Variants in ZIC2 observed in about 807,000 individuals in gnomAD.
The protein encoded by ZIC2 is zinc finger protein ZIC 2.
In ZIC2, 7 loss-of-function variants were observed where a neutral mutation model predicts 29.5. That is an observed-to-expected ratio of 0.24 (90% CI 0.14 to 0.45). The LOEUF is 0.45. ZIC2 is among the 20% of genes least tolerant of loss of function. The probability of loss-of-function intolerance (pLI) is 1.00; values close to 1 mark genes in which losing one functional copy is unlikely to be tolerated. For missense variants in ZIC2, 589 were observed against 781.2 expected (o/e 0.75, Z 2.93); for synonymous variants, 408 against 354.2 (o/e 1.15, Z -1.70).
Position 99,986,193 on chromosome 13 carries a change from G to C in ZIC2, c.*511G>C, listed in dbSNP as rs192372594. ...TCTCTTTTCTCTTTTTAGTTTACCC[G>C]GTTTCTTTTTAAGTAATGTGGAAGA... On this transcript the variant is annotated 3_prime_UTR_variant, in exon 3 of 3. Transcript: ENST00000376335. 201 of 307,012 alleles carry C rather than the reference G, an allele frequency of 6.5e-4. No homozygotes were observed. Among genetic ancestry groups the C allele is most frequent in the Non-Finnish European group, 1.0e-3 (159 of 156,224 alleles). 19.0% of individuals were successfully genotyped at this position (307,012 alleles called of 1,614,324 possible).
In ZIC2 at chr13:99,984,780, C is replaced by T. The variant is rs916450156; in HGVS notation, c.1076-166C>T. ...TGAGCAGGACTGTCGGGCGGGAAGG[C>T]GGTTAATTTGATCTTAGTTCTGCCG... On this transcript the variant is annotated intron_variant, in intron 1 of 2. Coordinates refer to ENST00000376335, the MANE Select transcript of ZIC2 (RefSeq NM_007129.5). 4.1e-6 allele frequency: 3 copies of T among 724,826 alleles called. No individual in the cohort carries two copies. In the African/African-American group the frequency reaches 5.3e-5, roughly 13 times the overall value. 44.9% of individuals were successfully genotyped at this position (724,826 alleles called of 1,614,324 possible). A position where few individuals can be genotyped will look rare whatever the true frequency, so the allele number is the denominator to read the frequency against.
chr13:99,983,257 T>C lies in ZIC2; in HGVS notation c.1075+118T>C. The C allele has an allele frequency of 3.7e-6, 5 of 1,337,962 alleles. No individual in the cohort carries two copies. Among genetic ancestry groups the C allele is most frequent in the Non-Finnish European group, 5.1e-6 (5 of 990,016 alleles). 82.9% of individuals were successfully genotyped at this position (1,337,962 alleles called of 1,614,324 possible). A position where few individuals can be genotyped will look rare whatever the true frequency, so the allele number is the denominator to read the frequency against. ...CCAGCCGGGGACCTGGGATGGGAGG[T>C]GTTTTTGCGTGTACGAAAGAGCCAG... On this transcript the variant is annotated intron_variant, in intron 1 of 2. Transcript: ENST00000376335. The surrounding 1 kb of genome is among the most constrained non-coding windows in gnomAD (Gnocchi z 4.7).
rs546620526 is a variant in ZIC2 at position 99,985,261 on chromosome 13, C to T, written c.1240-62C>T. The T allele has an allele frequency of 8.1e-6, 13 of 1,602,190 alleles. No individual in the cohort carries two copies. Among genetic ancestry groups the T allele is most frequent in the South Asian group, 7.7e-5 (7 of 91,014 alleles). ...GGTGCTCTCCCCCAGGGGCCCGGCC[C>T]CACAGCAGCTGCACTCACACCCAGT... On this transcript the variant is annotated intron_variant, in intron 2 of 2. Coordinates refer to ENST00000376335, the MANE Select transcript of ZIC2 (RefSeq NM_007129.5). The surrounding 1 kb of genome is among the most constrained non-coding windows in gnomAD (Gnocchi z 6.3).
At position 99,985,159 on chromosome 13, in the gene ZIC2, G is replaced by A. The variant is rs1023524104; in HGVS notation, c.1239+50G>A. The A allele has an allele frequency of 5.6e-6, 9 of 1,612,632 alleles. No individual in the cohort carries two copies. The highest frequency in any genetic ancestry group is 7.6e-6 in the Non-Finnish European group (9 of 1,179,328). On this transcript the variant is annotated intron_variant, in intron 2 of 2. Coordinates refer to ENST00000376335, the MANE Select transcript of ZIC2 (RefSeq NM_007129.5). This position sits in a 1 kb window ranked among gnomAD's most constrained non-coding sequence, Gnocchi z 6.3. The stretch of plus-strand genomic sequence containing the variant: ...GGGCGAGGCAGGCCGAGGCGCCGGT[G>A]CAGCACTGGCCCGGACCACCTCAGC...
Position 99,985,573 on chromosome 13 carries a change from G to T in ZIC2, c.1490G>T (p.Gly497Val). The T allele has an allele frequency of 1.0e-6, 1 of 999,470 alleles. No individual in the cohort carries two copies. The highest frequency in any genetic ancestry group is 1.2e-6 in the Non-Finnish European group (1 of 841,000). 61.9% of individuals were successfully genotyped at this position (999,470 alleles called of 1,614,324 possible). Residue 497 changes from glycine to valine, a missense_variant, in exon 3 of 3, where the codon GGG (glycine) becomes GTG (valine). Transcript: ENST00000376335. This position sits in a 1 kb window ranked among gnomAD's most constrained non-coding sequence, Gnocchi z 6.3. ...GGSGGGSGSGGGGGGAGGGGG... is the reference protein window; with the variant it reads ...GGSGGGSGSGVGGGGAGGGGG... ...TCAGGCGGCGGCAGCGGCAGTGGCG[G>T]GGGCGGCGGCGGGGCGGGCGGCGGG...
At chr13:99,984,795 T>C (rs1594291728) in intron 1 of ZIC2, 151 bp from the exon 2 acceptor site, 10 of 837,960 alleles carry the variant, frequency 1.2e-5, no homozygotes, top group South Asian at 6.1e-5. Context: ...AATTTGATCT[T>C]AGTTCTGCCG....
Position 99,983,263 on chromosome 13 carries a change from T to C in ZIC2, c.1075+124T>C. 1 of 1,316,608 alleles carries C rather than the reference T, an allele frequency of 7.6e-7. No individual in the cohort carries two copies. Among genetic ancestry groups the C allele is most frequent in the South Asian group, 1.4e-5 (1 of 69,114 alleles). 81.6% of individuals were successfully genotyped at this position (1,316,608 alleles called of 1,614,324 possible). A position where few individuals can be genotyped will look rare whatever the true frequency, so the allele number is the denominator to read the frequency against. ...GGGGACCTGGGATGGGAGGTGTTTT[T>C]GCGTGTACGAAAGAGCCAGCAGCTT... On this transcript the variant is annotated intron_variant, in intron 1 of 2. Coordinates refer to ENST00000376335, the MANE Select transcript of ZIC2 (RefSeq NM_007129.5). The surrounding 1 kb of genome is among the most constrained non-coding windows in gnomAD (Gnocchi z 4.7).
At position 99,985,650 on chromosome 13, in the gene ZIC2, C is replaced by A. The variant is rs1322528467; in HGVS notation, c.1567C>A (p.Leu523Ile). 1.5e-6 allele frequency: 2 copies of A among 1,305,466 alleles called. No homozygotes were observed. The highest frequency in any genetic ancestry group is 2.0e-6 in the Non-Finnish European group (2 of 1,005,504). The allele number at this position is 1,305,466 out of a possible 1,614,324, so 80.9% of individuals were successfully genotyped here. Residue 523 changes from leucine to isoleucine, a missense_variant, in exon 3 of 3, where the codon CTC (leucine) becomes ATC (isoleucine). Coordinates refer to ENST00000376335, the MANE Select transcript of ZIC2 (RefSeq NM_007129.5). This position sits in a 1 kb window ranked among gnomAD's most constrained non-coding sequence, Gnocchi z 6.3. ...CGGGACAGCCGGGGGTCACAGCGGC[C>A]TCTCCTCCAACTTCAATGAATGGTA... ...GSGTAGGHSGLSSNFNEWYV is the reference protein window; with the variant it reads ...GSGTAGGHSGISSNFNEWYV
rs2053248618 is a variant in ZIC2 at position 99,983,802 on chromosome 13, C to T, written c.1075+663C>T. Among the ~76,000 whole-genome samples, 2 of 152,204 alleles carry T rather than the reference C, an allele frequency of 1.3e-5. No individual in the cohort carries two copies. Among genetic ancestry groups the T allele is most frequent in the Non-Finnish European group, 2.9e-5 (2 of 68,042 alleles). On this transcript the variant is annotated intron_variant, in intron 1 of 2. Coordinates refer to ENST00000376335, the MANE Select transcript of ZIC2 (RefSeq NM_007129.5). This position sits in a 1 kb window ranked among gnomAD's most constrained non-coding sequence, Gnocchi z 4.7. ...ACCCAGGTCAGCTAGAGCCCCAGGT[C>T]AGCTAGAGCCCCAGGCAGCGCGGCC...
chr13:99,982,714 T>C lies in ZIC2; in HGVS notation c.650T>C (p.Met217Thr). Residue 217 changes from methionine (M) to threonine (T), a missense_variant, in exon 1 of 3, where the codon ATG (methionine) becomes ACG (threonine). By Grantham distance (81) the Met-to-Thr change is moderately conservative. Around this residue, in one of 7 missense-constraint regions of ZIC2, gnomAD observed 358 missense variants for 382.0 expected, o/e 0.94. Coordinates refer to ENST00000376335, the MANE Select transcript of ZIC2 (RefSeq NM_007129.5). ...CAACTCCACAACCAGTACGGCCCCA[T>C]GAATATGAACATGGGTATGAACATG... ...AAQLHNQYGP[M>T]NMNMGMNMAA... 1 of 1,600,900 alleles carries C rather than the reference T, an allele frequency of 6.2e-7. No homozygotes were observed. The highest frequency in any genetic ancestry group is 8.5e-7 in the Non-Finnish European group (1 of 1,179,888).
Position 99,983,236 on chromosome 13 carries a change from C to A in ZIC2, c.1075+97C>A. Reference sequence around the variant, plus strand: ...GCCGACGCTGGGCGCAGACCGCCAGCCGGGGACCTGGGATGGGAGGTGTTT... The same window carrying A: ...GCCGACGCTGGGCGCAGACCGCCAGACGGGGACCTGGGATGGGAGGTGTTT... On this transcript the variant is annotated intron_variant, in intron 1 of 2. Coordinates refer to ENST00000376335, the MANE Select transcript of ZIC2 (RefSeq NM_007129.5). The surrounding 1 kb of genome is among the most constrained non-coding windows in gnomAD (Gnocchi z 4.7). 1 of 1,502,772 alleles carries A rather than the reference C, an allele frequency of 6.7e-7. No homozygotes were observed. Among genetic ancestry groups the A allele is most frequent in the Non-Finnish European group, 8.9e-7 (1 of 1,119,884 alleles). The allele number at this position is 1,502,772 out of a possible 1,614,324, so 93.1% of individuals were successfully genotyped here. A position where few individuals can be genotyped will look rare whatever the true frequency, so the allele number is the denominator to read the frequency against.
Position 99,982,400 on chromosome 13 carries a change from C to A in ZIC2, c.336C>A (p.Pro112=). 1 of 1,477,314 alleles carries A rather than the reference C, an allele frequency of 6.8e-7. No individual in the cohort carries two copies. The highest frequency in any genetic ancestry group is 8.9e-7 in the Non-Finnish European group (1 of 1,117,360). The allele number at this position is 1,477,314 out of a possible 1,614,324, so 91.5% of individuals were successfully genotyped here. ...ACGTTGGCTCCTACTCTGGGCCGCC[C>A]TTCAACTCCACCCGGGACTTCCTGT... ...AAHVGSYSGP[P]FNSTRDFLFR... Residue 112 remains proline, a synonymous_variant, in exon 1 of 3, where the codon CCC becomes CCA. Transcript: ENST00000376335.
In ZIC2 at chr13:99,985,560, A is replaced by T. The variant is rs1232374743; in HGVS notation, c.1477A>T (p.Ser493Cys). The change falls in exon 3 of 3, where the codon AGC (serine) becomes TGC (cysteine). Residue 493 changes from serine (S) to cysteine (C), a missense_variant. By Grantham distance (112) the Ser-to-Cys change is moderately radical. Around this residue, in one of 7 missense-constraint regions of ZIC2, gnomAD observed 135 missense variants for 136.7 expected, o/e 0.99. Transcript: ENST00000376335. The surrounding 1 kb of genome is among the most constrained non-coding windows in gnomAD (Gnocchi z 6.3). ...GGAGGGSGGG[S>C]GSGGGGGGAG... ...CGCGGGAGGCGGCTCAGGCGGCGGC[A>T]GCGGCAGTGGCGGGGGCGGCGGCGG... is the stretch of plus-strand genomic sequence containing the variant. The T allele has an allele frequency of 2.0e-6, 2 of 984,032 alleles. No homozygotes were observed. The highest frequency in any genetic ancestry group is 3.6e-5 in the African/African-American group (2 of 55,306). 61.0% of individuals were successfully genotyped at this position (984,032 alleles called of 1,614,324 possible).
At position 99,982,847 on chromosome 13, in the gene ZIC2, C is replaced by G. The variant is rs545732826; in HGVS notation, c.783C>G (p.Ile261Met). The G allele has an allele frequency of 1.9e-5, 31 of 1,612,748 alleles. No homozygotes were observed. Among genetic ancestry groups the G allele is most frequent in the Non-Finnish European group, 2.6e-5 (31 of 1,179,944 alleles). ...AGCAGGAGCTAATCTGCAAGTGGAT[C>G]GACCCCGAGCAACTGAGCAATCCCA... ...CIKQELICKW[I>M]DPEQLSNPKK... Residue 261 changes from isoleucine to methionine, a missense_variant, in exon 1 of 3, where the codon ATC becomes ATG. Ile to Met is a conservative substitution (Grantham distance 10, BLOSUM62 1). This residue lies in a region of ZIC2 where 27 missense variants were observed against 47.5 expected (regional missense o/e 0.57). Transcript: ENST00000376335.
Position 99,981,843 on chromosome 13 carries a change from T to C in ZIC2, c.-222T>C. ...CCCGCGCCGCCGCCTCCTCCTCCTC[T>C]TCCTCTCCGCGCCTTCGCTACGCGC... On this transcript the variant is annotated 5_prime_UTR_variant, in exon 1 of 3. Coordinates refer to ENST00000376335, the MANE Select transcript of ZIC2 (RefSeq NM_007129.5). The C allele has an allele frequency of 3.3e-6, 3 of 899,540 alleles. No homozygotes were observed. The highest frequency in any genetic ancestry group is 1.5e-5 in the South Asian group (1 of 65,682). The allele number at this position is 899,540 out of a possible 1,614,324, so 55.7% of individuals were successfully genotyped here. A position where few individuals can be genotyped will look rare whatever the true frequency, so the allele number is the denominator to read the frequency against.
At position 99,982,300 on chromosome 13, in the gene ZIC2, C is replaced by A; in HGVS notation, c.236C>A (p.Ser79Ter). 1 of 1,485,320 alleles carries A rather than the reference C, an allele frequency of 6.7e-7. No homozygotes were observed. The highest frequency in any genetic ancestry group is 1.3e-5 in the South Asian group (1 of 78,182). The allele number at this position is 1,485,320 out of a possible 1,614,324, so 92.0% of individuals were successfully genotyped here. A position where few individuals can be genotyped will look rare whatever the true frequency, so the allele number is the denominator to read the frequency against. ...LSPGQSSAFTSQGPGAYPGSA... is the reference protein window; with the variant it reads ...LSPGQSSAFT ...CCGGGCCAGAGCTCGGCGTTCACGT[C>A]GCAGGGCCCCGGCGCCTACCCCGGC... The change falls in exon 1 of 3, where the codon TCG becomes TAG. Residue 79 changes from serine (S) to a stop codon, truncating the protein, a stop_gained. Transcript: ENST00000376335. LOFTEE classifies it high-confidence loss of function.
In ZIC2 at chr13:99,983,411, C is replaced by T. The variant is rs2053246709; in HGVS notation, c.1075+272C>T. Among the ~76,000 whole-genome samples the T allele has an allele frequency of 6.6e-6, 1 of 152,206 alleles. No homozygotes were observed. Among genetic ancestry groups the T allele is most frequent in the South Asian group, 2.1e-4 (1 of 4,824 alleles). ...TCATGCAATTGCTTCGTTTGCTCAGCCCCGGTTAATAATTTCCGTTTTAAG... is the reference window on the plus strand; with the variant it reads ...TCATGCAATTGCTTCGTTTGCTCAGTCCCGGTTAATAATTTCCGTTTTAAG... On this transcript the variant is annotated intron_variant, in intron 1 of 2. Transcript: ENST00000376335. This position sits in a 1 kb window ranked among gnomAD's most constrained non-coding sequence, Gnocchi z 4.7.
Position 99,982,182 on chromosome 13 carries a change from C to T in ZIC2, c.118C>T (p.Leu40=). The change falls in exon 1 of 3, where the codon CTG becomes TTG. Residue 40 remains leucine (L), a synonymous_variant. Transcript: ENST00000376335. ...TGCCGCCGAGATGCAGGACCGTGAA[C>T]TGAGCCTGGCGGCGGCGCAGAACGG... ...AAAAEMQDRE[L]SLAAAQNGFV... The T allele has an allele frequency of 6.8e-7, 1 of 1,479,982 alleles. No individual in the cohort carries two copies. The highest frequency in any genetic ancestry group is 8.9e-7 in the Non-Finnish European group (1 of 1,121,786). 91.7% of individuals were successfully genotyped at this position (1,479,982 alleles called of 1,614,324 possible).
In ZIC2 at chr13:99,981,791, TCTC is replaced by T. The variant is rs917128204; in HGVS notation, c.-266_-264del. The T allele has an allele frequency of 1.6e-5, 9 of 563,240 alleles. No individual in the cohort carries two copies. Among genetic ancestry groups the T allele is most frequent in the Non-Finnish European group, 2.3e-5 (8 of 345,934 alleles). 34.9% of individuals were successfully genotyped at this position (563,240 alleles called of 1,614,324 possible). A position where few individuals can be genotyped will look rare whatever the true frequency, so the allele number is the denominator to read the frequency against. Reference sequence around the variant, plus strand: ...GGTTCTCCGCCTGGCTTTGGACTCTTCTCCTCCTCCACCTCCTCCTCCTCCTCC... The same window carrying T: ...GGTTCTCCGCCTGGCTTTGGACTCTTCTCCTCCACCTCCTCCTCCTCCTCC... On this transcript the variant is annotated 5_prime_UTR_variant, in exon 1 of 3. Transcript: ENST00000376335.
Sources: allele counts gnomAD v4.1 joint callset (sites outside exome capture counted in the v4.1 genomes callset), GRCh38; gene constraint gnomAD v4.1.1; regional missense constraint gnomAD v4.1.1; non-coding constraint Gnocchi (gnomAD v3.1); transcripts MANE v1.5; gene names NCBI Gene and HGNC (gene_info 2026-07-23, HGNC 2026-07-21).